The following EYS variants were observed in gnomAD, a reference collection of about 807,000 sequenced individuals.
EYS encodes protein eyes shut homolog.
EYS carries 250 observed loss-of-function variants against 282.1 expected under a neutral mutation model. The ratio of observed to expected loss-of-function variants is 0.89; its 90% confidence interval spans 0.80 to 0.98. The LOEUF (loss-of-function observed/expected upper bound fraction) is 0.98, where lower values mean the gene tolerates loss of function less well. EYS is among the 50% of genes least tolerant of loss of function. The pLI is 0.00. For missense variants in EYS, 4,016 were observed against 3,709.0 expected (o/e 1.08, Z -2.15); for synonymous variants, 1,355 against 1,282.9 (o/e 1.06, Z -1.20).
chr6:65,014,440 C>T (rs1047300340), intron 13 of EYS, among the ~76,000 whole-genome samples: 57 of 152,114 alleles, frequency 3.7e-4, no homozygotes, highest in African/African-American at 1.4e-3. Flanking sequence ...AATATAAGGG[C>T]CACTAAGACA....
intron 26 of EYS, among the ~76,000 whole-genome samples, chr6:64,505,728 T>C (rs1415639397): frequency 3.9e-5 from 6 of 152,334 alleles, no homozygotes; most frequent in Non-Finnish European, 4.4e-5. Flanking sequence ...CCTTCTGGGA[T>C]TTCTTCCCAA....
chr6:64,747,672 C>T (rs1335258281), intron 22 of EYS, among the ~76,000 whole-genome samples: 1 of 152,220 alleles, frequency 6.6e-6, no homozygotes, highest in African/African-American at 2.4e-5. Context: ...GCCACCATGC[C>T]CAGCCCTAGA....
intron 8 of EYS, among the ~76,000 whole-genome samples, chr6:65,364,375 C>A (rs1764832403): frequency 6.7e-6 from 1 of 150,264 alleles, no homozygotes; most frequent in Admixed American, 6.8e-5. Flanking sequence ...TACAGATATA[C>A]TAGAGTAATA....
At position 64,143,864 on chromosome 6, in the gene EYS, T is replaced by G. The variant is rs530726843; in HGVS notation, c.6425-61862A>C. The stretch of plus-strand genomic sequence containing the variant: ...GCCATCCTTTGGAGAACATAAAGGA[T>G]ATTTATGATGAAGATTTCTGTGTCA... On this transcript the variant is annotated intron_variant, in intron 31 of 42. Coordinates refer to ENST00000503581, the MANE Select transcript of EYS (RefSeq NM_001142800.2). Among the ~76,000 whole-genome samples, 5 of 152,364 alleles carry G rather than the reference T, an allele frequency of 3.3e-5. No individual in the cohort carries two copies. In the East Asian group the frequency reaches 9.6e-4, roughly 29 times the overall value.
chr6:65,681,372 G>A (rs1768808845), intron 1 of EYS, among the ~76,000 whole-genome samples: 1 of 151,902 alleles, frequency 6.6e-6, no homozygotes, highest in African/African-American at 2.4e-5. Context: ...CCAGGAAATG[G>A]GGTCAAAGAC....
rs377147765 is a variant in EYS at position 64,238,433 on chromosome 6, T to C, written c.6192-7609A>G. 2.6e-5 allele frequency among the ~76,000 whole-genome samples: 4 copies of C among 152,304 alleles called. No homozygotes were observed. The East Asian group carries it at 7.7e-4, about 29-fold the overall frequency. ...TGGCTTTAGGCATACAAGTGGTTTT[T>C]GGTTATATGGATGAATTATATAGCG... On this transcript the variant is annotated intron_variant, in intron 30 of 42. Coordinates refer to ENST00000503581, the MANE Select transcript of EYS (RefSeq NM_001142800.2).
intron 15 of EYS, among the ~76,000 whole-genome samples, chr6:64,924,456 G>A (rs754509242): frequency 6.6e-6 from 1 of 152,164 alleles, no homozygotes; most frequent in African/African-American, 2.4e-5. Context: ...CATGGTCTTC[G>A]GCATTAACAT....
intron 2 of EYS, among the ~76,000 whole-genome samples, chr6:65,614,235 G>C (rs114487994): frequency 5.9e-5 from 9 of 151,904 alleles, no homozygotes; most frequent in African/African-American, 1.9e-4. Context: ...CAGATGGTGA[G>C]ATGCTGAAAA....
intron 31 of EYS, among the ~76,000 whole-genome samples, chr6:64,164,939 TC>T (rs1175357042): frequency 6.6e-6 from 1 of 152,128 alleles, no homozygotes; most frequent in Non-Finnish European, 1.5e-5. Flanking sequence ...TTGACTTTTT[TC>T]CCCTGTGTTA....
chr6:64,456,613 AT>A (rs769383985), intron 26 of EYS, among the ~76,000 whole-genome samples: 13 of 152,038 alleles, frequency 8.6e-5, no homozygotes, highest in Non-Finnish European at 1.6e-4. Context: ...GGAAGAAAAC[AT>A]TTTCTTGTAA....
At chr6:64,148,590 AGCTGAC>A (rs1180737836) in intron 31 of EYS, among the ~76,000 whole-genome samples, 1 of 151,916 alleles carries the variant, frequency 6.6e-6, no homozygotes, top group Non-Finnish European at 1.5e-5. Context: ...TGAGTGTTTG[AGCTGAC>A]CAACTGTTTG....
chr6:64,111,074 T>C (rs1582283762), intron 31 of EYS, among the ~76,000 whole-genome samples: 1 of 152,150 alleles, frequency 6.6e-6, no homozygotes, highest in Middle Eastern at 3.4e-3. Context: ...AAGGGCCTAG[T>C]AGAACAAAAG....
intron 22 of EYS, among the ~76,000 whole-genome samples, chr6:64,634,194 G>T (rs577492525): frequency 1.3e-5 from 2 of 152,258 alleles, no homozygotes; most frequent in African/African-American, 4.8e-5. Flanking sequence ...ATGTTGGCCA[G>T]CATGATCTCG....
chr6:63,783,681 T>C lies in EYS; in HGVS notation c.7723+4424A>G, dbSNP rs547393297. Among the ~76,000 whole-genome samples the C allele has an allele frequency of 2.0e-5, 3 of 152,262 alleles. No individual in the cohort carries two copies. The South Asian group carries it at 6.2e-4, about 32-fold the overall frequency. ...CAATGAGTGAGCTCAGAGAGTGGGC[T>C]CTCATTGAGGAGGTGTGATTTGAGC... On this transcript the variant is annotated intron_variant, in intron 39 of 42. Transcript: ENST00000503581.
At chr6:64,176,499 TTGTGTGTGTGTGTG>T (rs111683045) in intron 31 of EYS, among the ~76,000 whole-genome samples, 1 of 147,064 alleles carries the variant, frequency 6.8e-6, no homozygotes, top group East Asian at 2.0e-4. Context: ...CATATCACGA[TTGTGTGTGTGTGTG>T]TGTGTGTGTG....
chr6:64,556,623 TTA>T (rs1765241407), intron 26 of EYS, among the ~76,000 whole-genome samples: 1 of 151,928 alleles, frequency 6.6e-6, no homozygotes, highest in Non-Finnish European at 1.5e-5. Context: ...CTGTATAAAC[TTA>T]TATCTCAATA....
intron 26 of EYS, among the ~76,000 whole-genome samples, chr6:64,464,984 C>T (rs191563956): frequency 4.4e-4 from 66 of 151,660 alleles, no homozygotes; most frequent in African/African-American, 1.6e-3. Context: ...GAGAACAATT[C>T]TTGTTACAAA....
intron 14 of EYS, among the ~76,000 whole-genome samples, chr6:64,967,024 T>A (rs556408894): frequency 6.6e-6 from 1 of 152,276 alleles, no homozygotes; most frequent in Non-Finnish European, 1.5e-5. Flanking sequence ...ATTCTTAAAT[T>A]ATATTCTACT....
chr6:63,761,787 C>A (rs1769649281), intron 41 of EYS, among the ~76,000 whole-genome samples: 1 of 151,928 alleles, frequency 6.6e-6, no homozygotes, highest in East Asian at 1.9e-4. Flanking sequence ...CCTTATGTCC[C>A]TTTATTTTCC....
Sources: gnomAD v4.1 joint callset for allele counts (sites outside exome capture counted in the v4.1 genomes callset) on GRCh38, gnomAD v4.1.1 for gene constraint, MANE v1.5 for transcripts, NCBI Gene and HGNC (gene_info 2026-07-23, HGNC 2026-07-21) for gene names.